SLC41A2: variants seen among roughly 807,000 people sequenced by gnomAD.
The protein encoded by SLC41A2 is solute carrier family 41 member 2, also known as SLC41A1-like 1.
SLC41A2 carries 32 observed loss-of-function variants against 58.3 expected under a neutral mutation model. The ratio of observed to expected loss-of-function variants is 0.55; its 90% confidence interval spans 0.41 to 0.74. The LOEUF is 0.74. SLC41A2 is among the 30% of genes least tolerant of loss of function. The probability of loss-of-function intolerance (pLI) is 0.00; values close to 1 mark genes in which losing one functional copy is unlikely to be tolerated. For missense variants in SLC41A2, 514 were observed against 680.6 expected, an observed-to-expected ratio of 0.76 and a Z score of 2.72; for synonymous variants, 190 against 235.0, an observed-to-expected ratio of 0.81 and a Z score of 1.75.
At chr12:104,863,863 T>C (rs369188231) in intron 7 of SLC41A2, among the ~76,000 whole-genome samples, 1 of 152,218 alleles carries the variant, frequency 6.6e-6, no homozygotes, top group Non-Finnish European at 1.5e-5. Flanking sequence ...CATATTTTTC[T>C]TAACTTTTTA....
intron 2 of SLC41A2, among the ~76,000 whole-genome samples, chr12:104,921,468 A>G (rs2046591634): frequency 6.6e-6 from 1 of 151,922 alleles, no homozygotes; most frequent in Non-Finnish European, 1.5e-5. Context: ...AGAGGGTGAA[A>G]TAACATTTTC....
intron 6 of SLC41A2, 81 bp downstream of exon 6, chr12:104,886,212 T>A: frequency 6.9e-7 from 1 of 1,458,098 alleles, no homozygotes; most frequent in Non-Finnish European, 9.4e-7. Context: ...AAGGCTACCA[T>A]GGATTCATGG....
intron 10 of SLC41A2, among the ~76,000 whole-genome samples, chr12:104,809,210 G>C (rs921365202): frequency 3.9e-5 from 6 of 152,174 alleles, no homozygotes; most frequent in Non-Finnish European, 7.3e-5. Context: ...TATTTTAACA[G>C]GATTATTCTT....
intron 10 of SLC41A2, among the ~76,000 whole-genome samples, chr12:104,841,154 A>C (rs894742055): frequency 6.6e-6 from 1 of 152,110 alleles, no homozygotes; most frequent in African/African-American, 2.4e-5. Context: ...CTTCCCCAGA[A>C]ATCAAGTTAT....
At chr12:104,819,497 A>C (rs1293186265) in intron 10 of SLC41A2, among the ~76,000 whole-genome samples, 1 of 152,246 alleles carries the variant, frequency 6.6e-6, no homozygotes, top group East Asian at 1.9e-4. Context: ...ACGTACAAAC[A>C]TTAATAGAAA....
At chr12:104,943,353 T>G (rs138121184) in intron 1 of SLC41A2, among the ~76,000 whole-genome samples, 12 of 152,174 alleles carry the variant, frequency 7.9e-5, no homozygotes, top group Non-Finnish European at 1.8e-4. Flanking sequence ...TGGGGCCTCC[T>G]CAGCCAATGG....
At chr12:104,930,502 C>T (rs915883467) in intron 1 of SLC41A2, among the ~76,000 whole-genome samples, 7 of 152,118 alleles carry the variant, frequency 4.6e-5, no homozygotes, top group South Asian at 2.1e-4. Context: ...TATTTCACTG[C>T]CCCAATAGAT....
intron 2 of SLC41A2, among the ~76,000 whole-genome samples, chr12:104,916,486 A>G (rs2046327401): frequency 6.6e-6 from 1 of 152,140 alleles, no homozygotes; most frequent in Non-Finnish European, 1.5e-5. Context: ...TAAAGTTCAT[A>G]TGGAACCAAA....
intron 8 of SLC41A2, among the ~76,000 whole-genome samples, chr12:104,855,711 A>ATCC (rs1210598504): frequency 2.2e-4 from 33 of 152,202 alleles, no homozygotes; most frequent in African/African-American, 8.0e-4. Flanking sequence ...CATAGCTTTC[A>ATCC]TCCTCCTTCT....
At chr12:104,883,329 G>A (rs1056629826) in intron 6 of SLC41A2, among the ~76,000 whole-genome samples, 4 of 152,124 alleles carry the variant, frequency 2.6e-5, no homozygotes, top group Admixed American at 6.6e-5. Context: ...TAGTCAACTC[G>A]TCAAAGTCAT....
rs150922708 is a variant in SLC41A2 at position 104,914,487 on chromosome 12, AT to A, written c.556-4726del. Reference sequence around the variant, plus strand: ...CTGAAAACCCAGTTCTGCAAAAGACATACCATCCAAAGAAATGGAGTGTGAT... The same window carrying A: ...CTGAAAACCCAGTTCTGCAAAAGACAACCATCCAAAGAAATGGAGTGTGAT... On this transcript the variant is annotated intron_variant, in intron 2 of 10. Transcript: ENST00000258538. Among the ~76,000 whole-genome samples, 559 of 152,340 alleles carry A rather than the reference AT, an allele frequency of 3.7e-3. 5 individuals carry two copies. The highest frequency in any genetic ancestry group is 0.012 in the African/African-American group (506 of 41,576).
chr12:104,936,005 T>G (rs1467234601), intron 1 of SLC41A2, among the ~76,000 whole-genome samples: 4 of 151,194 alleles, frequency 2.6e-5, no homozygotes. Flanking sequence ...GTTACACCAC[T>G]GCACTCCAGC....
At chr12:104,846,393 A>G (rs1219196560) in intron 8 of SLC41A2, among the ~76,000 whole-genome samples, 1 of 152,146 alleles carries the variant, frequency 6.6e-6, no homozygotes, top group African/African-American at 2.4e-5. Flanking sequence ...AATACTCATT[A>G]CCCTCTCACA....
chr12:104,913,156 C>CA (rs1358009660), intron 2 of SLC41A2, among the ~76,000 whole-genome samples: 5 of 151,974 alleles, frequency 3.3e-5, no homozygotes, highest in African/African-American at 1.2e-4. Context: ...TATCTTGTGC[C>CA]AAAAAATTCT....
At chr12:104,900,106 C>T (rs975575975) in intron 3 of SLC41A2, among the ~76,000 whole-genome samples, 1 of 152,118 alleles carries the variant, frequency 6.6e-6, no homozygotes, top group Non-Finnish European at 1.5e-5. Context: ...CAGTTTTCTG[C>T]CATATGAGAT....
At chr12:104,820,089 C>T (rs1028446903) in intron 10 of SLC41A2, among the ~76,000 whole-genome samples, 3 of 152,214 alleles carry the variant, frequency 2.0e-5, no homozygotes, top group South Asian at 4.1e-4. Context: ...TGTCCTCCCA[C>T]CCTGCCAAGG....
chr12:104,817,829 G>C (rs1466779522), intron 10 of SLC41A2, among the ~76,000 whole-genome samples: 1 of 151,326 alleles, frequency 6.6e-6, no homozygotes, highest in East Asian at 1.9e-4. Context: ...TAACACACTA[G>C]GACGGTACAG....
At chr12:104,888,619 C>T (rs907512729) in intron 5 of SLC41A2, among the ~76,000 whole-genome samples, 1 of 152,004 alleles carries the variant, frequency 6.6e-6, no homozygotes, top group Non-Finnish European at 1.5e-5. Flanking sequence ...TTCTTGAAAT[C>T]TGAAACAAAA....
At chr12:104,871,178 C>T (rs1343321841) in intron 6 of SLC41A2, among the ~76,000 whole-genome samples, 1 of 152,126 alleles carries the variant, frequency 6.6e-6, no homozygotes, top group Non-Finnish European at 1.5e-5. Context: ...CAACATTTTG[C>T]CTCTCAGATC....
Sources: allele counts gnomAD v4.1 joint callset (sites outside exome capture counted in the v4.1 genomes callset), GRCh38; gene constraint gnomAD v4.1.1; transcripts MANE v1.5; gene names NCBI Gene and HGNC (gene_info 2026-07-23, HGNC 2026-07-21).